The following DOCK1 variants were observed in gnomAD, a reference collection of about 807,000 sequenced individuals.
DOCK1 encodes dedicator of cytokinesis protein 1.
A neutral mutation model predicts 262.7 loss-of-function variants in DOCK1; 138 were observed. The ratio of observed to expected loss-of-function variants is 0.53; its 90% CI spans 0.46 to 0.61. DOCK1 has a LOEUF of 0.61. DOCK1 is among the 20% of genes least tolerant of loss of function. The pLI, the probability that DOCK1 is intolerant of heterozygous loss-of-function variation, is 0.00. For missense variants in DOCK1, 1,908 were observed against 2,370.7 expected (o/e 0.80, Z 4.05); for synonymous variants, 866 against 867.4 (o/e 1.00, Z 0.03).
chr10:127,019,240 C>T (rs1209546157), intron 13 of DOCK1, among the ~76,000 whole-genome samples: 5 of 152,176 alleles, frequency 3.3e-5, no homozygotes, highest in African/African-American at 7.2e-5. Flanking sequence ...AGCTAGTGTA[C>T]GTTATACTGG....
intron 11 of DOCK1, among the ~76,000 whole-genome samples, chr10:127,009,825 C>T (rs1291959668): frequency 8.5e-5 from 13 of 152,102 alleles, no homozygotes; most frequent in Admixed American, 7.9e-4. Context: ...AGGTTGACTT[C>T]CCTCTGCCCC....
chr10:127,110,484 C>A, intron 25 of DOCK1, 130 bp downstream of exon 25: 1 of 780,278 alleles, frequency 1.3e-6, no homozygotes, highest in Admixed American at 2.2e-5. Context: ...TATTACAAGA[C>A]AGGAAGATTT....
intron 31 of DOCK1, among the ~76,000 whole-genome samples, chr10:127,346,438 A>T (rs1156895048): frequency 6.6e-6 from 1 of 152,148 alleles, no homozygotes; most frequent in South Asian, 2.1e-4. Flanking sequence ...TCCACAAAAA[A>T]TACAAAAATT....
At chr10:127,294,438 C>T (rs1259308886) in intron 29 of DOCK1, among the ~76,000 whole-genome samples, 3 of 152,212 alleles carry the variant, frequency 2.0e-5, no homozygotes, top group African/African-American at 7.2e-5. Flanking sequence ...TCTTCTGCCT[C>T]AGCCTCCCCA....
intron 44 of DOCK1, among the ~76,000 whole-genome samples, chr10:127,416,738 G>T (rs74158681): frequency 0.093 from 14,186 of 152,246 alleles, 776 homozygotes; most frequent in South Asian, 0.16. Flanking sequence ...TTAGTAACAG[G>T]GAGGTAACAG....
chr10:127,425,996 C>T lies in DOCK1; in HGVS notation c.4899C>T (p.Tyr1633=), dbSNP rs781305348. The T allele has an allele frequency of 1.4e-5, 23 of 1,613,750 alleles. No homozygotes were observed. The highest frequency in any genetic ancestry group is 1.6e-4 in the Middle Eastern group (1 of 6,074). The change falls in exon 47 of 52, where the codon TAC becomes TAT. Residue 1633 remains tyrosine (Y), a synonymous_variant. Transcript: ENST00000623213. ...TGAAGGAAAAGGTGGAGAAAGAGTA[C>T]GGCGTCCGAATCATGGTAAGAGGGT... ...KQLKEKVEKE[Y]GVRIMPSSLD...
At chr10:127,015,565 T>G (rs2041808544) in intron 12 of DOCK1, among the ~76,000 whole-genome samples, 1 of 151,996 alleles carries the variant, frequency 6.6e-6, no homozygotes, top group South Asian at 2.1e-4. Context: ...GGTCTTCCTA[T>G]TTCAAGGAAC....
intron 47 of DOCK1, among the ~76,000 whole-genome samples, chr10:127,426,314 C>T (rs1055339129): frequency 1.3e-5 from 2 of 152,198 alleles, no homozygotes; most frequent in Admixed American, 6.6e-5. Flanking sequence ...GGAGAAATCT[C>T]ACAGCGCCCA....
At chr10:127,143,241 T>G (rs2051449067) in intron 27 of DOCK1, among the ~76,000 whole-genome samples, 1 of 152,212 alleles carries the variant, frequency 6.6e-6, no homozygotes, top group African/African-American at 2.4e-5. Context: ...GACAATCTGG[T>G]GCCCCGGAGC....
At chr10:127,405,311 C>T (rs2067455711) in intron 40 of DOCK1, among the ~76,000 whole-genome samples, 1 of 152,068 alleles carries the variant, frequency 6.6e-6, no homozygotes. Context: ...CACATGAGGC[C>T]AAAGGAGAAG....
chr10:127,179,000 A>C (rs1412670264), intron 27 of DOCK1, among the ~76,000 whole-genome samples: 1 of 152,198 alleles, frequency 6.6e-6, no homozygotes, highest in East Asian at 1.9e-4. Context: ...CAGGTATGTC[A>C]GAATGTATTG....
In DOCK1 at chr10:127,266,648, A is replaced by T. The variant is rs546715243; in HGVS notation, c.3044+9219A>T. ...TAAGTGCCAGTGGAATGTGGCATTAACGCCAGCCAGGTGCTCACGATGAGA... is the reference window on the plus strand; with the variant it reads ...TAAGTGCCAGTGGAATGTGGCATTATCGCCAGCCAGGTGCTCACGATGAGA... On this transcript the variant is annotated intron_variant, in intron 29 of 51. Coordinates refer to ENST00000623213, the MANE Select transcript of DOCK1 (RefSeq NM_001290223.2). Among the ~76,000 whole-genome samples the T allele has an allele frequency of 2.6e-5, 4 of 152,324 alleles. No homozygotes were observed. In the South Asian group the frequency reaches 8.3e-4, roughly 32 times the overall value.
intron 45 of DOCK1, 138 bp from the exon 46 acceptor site, chr10:127,419,528 T>C (rs909449588): frequency 1.3e-6 from 1 of 765,404 alleles, no homozygotes; most frequent in South Asian, 1.7e-5. Context: ...GCGAAGGGTG[T>C]GACCCTGAGT....
chr10:127,119,181 C>G (rs2049383280), intron 25 of DOCK1, among the ~76,000 whole-genome samples: 1 of 152,026 alleles, frequency 6.6e-6, no homozygotes, highest in African/African-American at 2.4e-5. Flanking sequence ...GTAGCTGGGA[C>G]TACAGGCGCC....
In DOCK1 at chr10:127,048,612, C is replaced by G. The variant is rs2044502781; in HGVS notation, c.2202-4069C>G. On this transcript the variant is annotated intron_variant, in intron 21 of 51. Coordinates refer to ENST00000623213, the MANE Select transcript of DOCK1 (RefSeq NM_001290223.2). ...AAGGTCTTAACAATGCCTGCACTGTCTAATGTCACAGCACTAGCCTCGTGT... is the reference window on the plus strand; with the variant it reads ...AAGGTCTTAACAATGCCTGCACTGTGTAATGTCACAGCACTAGCCTCGTGT... Among the ~76,000 whole-genome samples, 3 of 152,186 alleles carry G rather than the reference C, an allele frequency of 2.0e-5. No individual in the cohort carries two copies. The South Asian group carries it at 6.2e-4, about 32-fold the overall frequency.
chr10:126,952,906 G>GGTGATA (rs2036420863), intron 1 of DOCK1, among the ~76,000 whole-genome samples: 1 of 39,376 alleles, frequency 2.5e-5, no homozygotes, highest in Admixed American at 3.1e-4. Flanking sequence ...TGATGGTGGT[G>GGTGATA]GTGATAGTAT....
intron 22 of DOCK1, among the ~76,000 whole-genome samples, chr10:127,056,500 C>G (rs1367722574): frequency 1.3e-5 from 2 of 152,120 alleles, no homozygotes; most frequent in African/African-American, 2.4e-5. Context: ...CCCACTGATT[C>G]TGGGGATGTT....
In DOCK1 at chr10:127,369,099, G is replaced by T. The variant is rs114508334; in HGVS notation, c.3433-4682G>T. 3.0e-3 allele frequency among the ~76,000 whole-genome samples: 455 copies of T among 152,272 alleles called. 4 individuals carry two copies. Among genetic ancestry groups the T allele is most frequent in the African/African-American group, 0.01 (421 of 41,552 alleles). On this transcript the variant is annotated intron_variant, in intron 33 of 51. Coordinates refer to ENST00000623213, the MANE Select transcript of DOCK1 (RefSeq NM_001290223.2). ...GTGTCATCAGTGTTGCCGAGCTCCT[G>T]TTTGAATAATCTCTTCACACTGCCC... is the stretch of plus-strand genomic sequence containing the variant.
intron 1 of DOCK1, among the ~76,000 whole-genome samples, chr10:126,951,625 T>TTGG (rs1228072192): frequency 2.4e-4 from 36 of 151,154 alleles, no homozygotes; most frequent in Non-Finnish European, 4.4e-4. Flanking sequence ...GGTGGTATTG[T>TTGG]TGGTGGTAGT....
Sources: gnomAD v4.1 joint callset for allele counts (sites outside exome capture counted in the v4.1 genomes callset) on GRCh38, gnomAD v4.1.1 for gene constraint, MANE v1.5 for transcripts, NCBI Gene and HGNC (gene_info 2026-07-23, HGNC 2026-07-21) for gene names.